The following GRM7 variants were observed in gnomAD, a reference collection of about 807,000 sequenced individuals.
The protein encoded by GRM7 is metabotropic glutamate receptor 7.
GRM7 carries 35 observed loss-of-function variants against 84.5 expected under a neutral mutation model. The ratio of observed to expected loss-of-function variants is 0.41; its 90% CI spans 0.32 to 0.55. The LOEUF is 0.55. Ranked by LOEUF, GRM7 falls within the 20% of genes least tolerant of loss-of-function variation. The pLI is 0.19. For missense variants in GRM7, 1,003 were observed against 1,194.6 expected (o/e 0.84, Z 2.36); for synonymous variants, 487 against 455.1 (o/e 1.07, Z -0.89).
intron 1 of GRM7, among the ~76,000 whole-genome samples, chr3:6,870,366 A>T (rs1176523482): frequency 6.6e-6 from 1 of 152,178 alleles, no homozygotes; most frequent in East Asian, 1.9e-4. Flanking sequence ...ACCAGTGCCA[A>T]AACTCCAAGC....
At chr3:7,351,109 A>G (rs1020724877) in intron 4 of GRM7, among the ~76,000 whole-genome samples, 1 of 152,106 alleles carries the variant, frequency 6.6e-6, no homozygotes, top group Admixed American at 6.6e-5. Flanking sequence ...CTCTGAAGCC[A>G]ATGATATTTG....
At chr3:7,631,680 T>C (rs1697866166) in intron 8 of GRM7, among the ~76,000 whole-genome samples, 1 of 152,164 alleles carries the variant, frequency 6.6e-6, no homozygotes, top group African/African-American at 2.4e-5. Flanking sequence ...CTGTGCATTG[T>C]AGGATATATA....
intron 1 of GRM7, among the ~76,000 whole-genome samples, chr3:7,087,750 G>C (rs1418269857): frequency 6.6e-6 from 1 of 152,072 alleles, no homozygotes; most frequent in Non-Finnish European, 1.5e-5. Flanking sequence ...TGTAGCAAAA[G>C]GGTTTATAAA....
At chr3:7,673,517 TAA>T (rs35955518) in intron 8 of GRM7, among the ~76,000 whole-genome samples, 9 of 141,496 alleles carry the variant, frequency 6.4e-5, no homozygotes, top group Non-Finnish European at 9.1e-5. Context: ...CAGTGACAGT[TAA>T]AAAAAAAAAA....
chr3:6,872,614 C>G (rs951202314), intron 1 of GRM7, among the ~76,000 whole-genome samples: 2 of 151,880 alleles, frequency 1.3e-5, no homozygotes, highest in African/African-American at 2.4e-5. Flanking sequence ...CCTCCCTTAG[C>G]CCCCCCAACC....
At chr3:7,720,225 A>C (rs543656252) in intron 9 of GRM7, among the ~76,000 whole-genome samples, 1 of 152,236 alleles carries the variant, frequency 6.6e-6, no homozygotes, top group South Asian at 2.1e-4. Flanking sequence ...CACCTTAACT[A>C]TGACTTCATA....
At chr3:6,945,115 G>T (rs868459586) in intron 1 of GRM7, among the ~76,000 whole-genome samples, 1 of 151,714 alleles carries the variant, frequency 6.6e-6, no homozygotes, top group Non-Finnish European at 1.5e-5. Flanking sequence ...ACAATGTGCA[G>T]GTTTGTTACA....
chr3:7,168,945 G>A (rs916561051), intron 2 of GRM7, among the ~76,000 whole-genome samples: 1 of 152,102 alleles, frequency 6.6e-6, no homozygotes, highest in Admixed American at 6.5e-5. Flanking sequence ...ACCAGAAAAG[G>A]TATCTGCATT....
intron 1 of GRM7, among the ~76,000 whole-genome samples, chr3:6,919,644 C>T (rs1030179178): frequency 6.6e-6 from 1 of 150,668 alleles, no homozygotes; most frequent in Non-Finnish European, 1.5e-5. Context: ...GAAGAAAACA[C>T]TTTAAAATTT....
intron 8 of GRM7, among the ~76,000 whole-genome samples, chr3:7,609,647 G>A (rs1025619311): frequency 2.6e-5 from 4 of 152,132 alleles, no homozygotes; most frequent in Admixed American, 1.3e-4. Flanking sequence ...AGTAAATGAA[G>A]GCCAGGGAAG....
intron 8 of GRM7, among the ~76,000 whole-genome samples, chr3:7,646,119 T>C (rs1421379815): frequency 6.6e-6 from 1 of 152,244 alleles, no homozygotes; most frequent in Non-Finnish European, 1.5e-5. Flanking sequence ...CCATGCACCA[T>C]GGCGGTCACG....
At chr3:6,890,660 T>C (rs546163960) in intron 1 of GRM7, among the ~76,000 whole-genome samples, 372 of 152,302 alleles carry the variant, frequency 2.4e-3, no homozygotes, top group African/African-American at 8.4e-3. Context: ...AAGTATGTGG[T>C]CAATTTTGGA....
chr3:7,625,247 G>T (rs1302609392), intron 8 of GRM7, among the ~76,000 whole-genome samples: 1 of 152,050 alleles, frequency 6.6e-6, no homozygotes, highest in African/African-American at 2.4e-5. Flanking sequence ...GAATGTTGAG[G>T]CCAATGCATG....
intron 1 of GRM7, among the ~76,000 whole-genome samples, chr3:6,958,344 CTAAT>C (rs1037570691): frequency 1.3e-5 from 2 of 151,738 alleles, no homozygotes; most frequent in African/African-American, 2.4e-5. Context: ...TATTGGTTGA[CTAAT>C]TGATAAATTA....
At chr3:7,723,228 AT>A (rs1200413116) in intron 9 of GRM7, among the ~76,000 whole-genome samples, 9 of 152,176 alleles carry the variant, frequency 5.9e-5, no homozygotes, top group African/African-American at 2.2e-4. Context: ...ATTAACAGTA[AT>A]TCTCTGACAT....
At chr3:7,251,857 A>T (rs1438780183) in intron 2 of GRM7, among the ~76,000 whole-genome samples, 2 of 152,202 alleles carry the variant, frequency 1.3e-5, no homozygotes, top group Non-Finnish European at 2.9e-5. Flanking sequence ...GTATAACCTG[A>T]TGTTGAGAGC....
At chr3:7,454,083 C>CAT (rs1697896650) in intron 6 of GRM7, among the ~76,000 whole-genome samples, 1 of 131,750 alleles carries the variant, frequency 7.6e-6, no homozygotes, top group African/African-American at 3.2e-5. Flanking sequence ...TGAAAAGCTA[C>CAT]ACACACACTC....
rs771360305 is a variant in GRM7, at chr3:7,360,901, T to G, written c.1034-54122T>G. On this transcript the variant is annotated intron_variant, in intron 4 of 9. Coordinates refer to ENST00000357716, the MANE Select transcript of GRM7 (RefSeq NM_000844.4). ...TCCTGTCCCATGAAATCTTACGTTTTGAAAGGTCAGGTTTTCCTGCATTCA... is the reference window on the plus strand; with the variant it reads ...TCCTGTCCCATGAAATCTTACGTTTGGAAAGGTCAGGTTTTCCTGCATTCA... Among the ~76,000 whole-genome samples the G allele has an allele frequency of 4.6e-5, 7 of 152,256 alleles. No homozygotes were observed. The East Asian group carries it at 9.7e-4, about 21-fold the overall frequency.
At chr3:7,329,009 A>T (rs946059949) in intron 4 of GRM7, among the ~76,000 whole-genome samples, 1 of 152,072 alleles carries the variant, frequency 6.6e-6, no homozygotes, top group Non-Finnish European at 1.5e-5. Context: ...TTGATAAAGA[A>T]CCATAAATAA....
Sources: allele counts gnomAD v4.1 joint callset (sites outside exome capture counted in the v4.1 genomes callset), GRCh38; gene constraint gnomAD v4.1.1; transcripts MANE v1.5; gene names NCBI Gene and HGNC (gene_info 2026-07-23, HGNC 2026-07-21).